Variants in RUNX2 observed in about 807,000 individuals in gnomAD.
The protein encoded by RUNX2 is RUNX family transcription factor 2.
In RUNX2, 10 loss-of-function variants were observed where a neutral mutation model predicts 51.7. The ratio of observed to expected loss-of-function variants is 0.19; its 90% CI spans 0.12 to 0.33. RUNX2 has a LOEUF of 0.33. Among genes scored for constraint, RUNX2 ranks in the 10% least tolerant of loss-of-function variants. The pLI, the probability that RUNX2 is intolerant of heterozygous loss-of-function variation, is 1.00. For missense variants in RUNX2, 562 were observed against 691.3 expected (o/e 0.81, Z 2.10); for synonymous variants, 276 against 273.6 (o/e 1.01, Z -0.09).
intron 3 of RUNX2, among the ~76,000 whole-genome samples, chr6:45,423,242 C>T (rs1798277662): frequency 6.6e-6 from 1 of 152,132 alleles, no homozygotes; most frequent in Admixed American, 6.5e-5. Flanking sequence ...CCTGCCTGGC[C>T]TTGATTCTCA....
intron 2 of RUNX2, 198 bp from the exon 3 acceptor site, chr6:45,422,395 G>C (rs958738056): frequency 3.3e-6 from 2 of 602,294 alleles, no homozygotes; most frequent in African/African-American, 1.9e-5. Flanking sequence ...GCCAGACTCT[G>C]TTGGCCCATC....
chr6:45,413,900 A>T (rs1037377117), intron 2 of RUNX2, among the ~76,000 whole-genome samples: 4 of 152,214 alleles, frequency 2.6e-5, no homozygotes, highest in African/African-American at 7.2e-5. Flanking sequence ...AGATGAAATG[A>T]TGGAGGCCCT....
In RUNX2 at chr6:45,328,364, C is replaced by G. The variant is rs535268603; in HGVS notation, c.-163C>G. 2 of 1,383,760 alleles carry G rather than the reference C, an allele frequency of 1.4e-6. No homozygotes were observed. Among genetic ancestry groups the G allele is most frequent in the East Asian group, 8.7e-5 (2 of 23,084 alleles). 85.7% of individuals were successfully genotyped at this position (1,383,760 alleles called of 1,614,324 possible). A position where few individuals can be genotyped will look rare whatever the true frequency, so the allele number is the denominator to read the frequency against. ...ACAAACAACCACAGAACCACAAGTGCGGTGCAAACTTTCTCCAGGAGGACA... is the reference window on the plus strand; with the variant it reads ...ACAAACAACCACAGAACCACAAGTGGGGTGCAAACTTTCTCCAGGAGGACA... On this transcript the variant is annotated 5_prime_UTR_variant, in exon 1 of 9. Coordinates refer to ENST00000647337, the MANE Select transcript of RUNX2 (RefSeq NM_001024630.4).
At chr6:45,426,240 C>T (rs558755259) in intron 3 of RUNX2, among the ~76,000 whole-genome samples, 4 of 152,230 alleles carry the variant, frequency 2.6e-5, no homozygotes, top group Non-Finnish European at 5.9e-5. Flanking sequence ...TTGAAATGTT[C>T]GGTCCCCCCA....
chr6:45,460,771 T>TA (rs35405209), intron 5 of RUNX2, among the ~76,000 whole-genome samples: 56,174 of 149,426 alleles, frequency 0.38, 10,649 homozygotes, highest in African/African-American at 0.45. Context: ...CCCCAACTCT[T>TA]AAAAAAAAAA....
chr6:45,366,564 T>A (rs1795169009), intron 2 of RUNX2, among the ~76,000 whole-genome samples: 1 of 152,208 alleles, frequency 6.6e-6, no homozygotes, highest in African/African-American at 2.4e-5. Flanking sequence ...CCCTCCTTTA[T>A]CTGCTAAAAA....
chr6:45,407,340 C>T (rs1304158138), intron 2 of RUNX2, among the ~76,000 whole-genome samples: 1 of 152,112 alleles, frequency 6.6e-6, no homozygotes, highest in Non-Finnish European at 1.5e-5. Flanking sequence ...TGAGCCACTA[C>T]TAGCAGCCTC....
chr6:45,334,539 C>G (rs535711334), intron 2 of RUNX2, among the ~76,000 whole-genome samples: 2 of 149,870 alleles, frequency 1.3e-5, no homozygotes, highest in East Asian at 3.9e-4. Flanking sequence ...TATATGCAGT[C>G]TTTCTTTAGA....
chr6:45,505,918 C>T (rs1031253830), intron 6 of RUNX2, among the ~76,000 whole-genome samples: 9 of 152,166 alleles, frequency 5.9e-5, no homozygotes, highest in African/African-American at 9.7e-5. Flanking sequence ...GACTTTGCCT[C>T]GGTTGAAACA....
At chr6:45,385,940 T>G (rs1797337765) in intron 2 of RUNX2, among the ~76,000 whole-genome samples, 1 of 152,122 alleles carries the variant, frequency 6.6e-6, no homozygotes, top group Non-Finnish European at 1.5e-5. Context: ...TTCTTTCTAC[T>G]CAGTCCTCTG....
intron 7 of RUNX2, 76 bp downstream of exon 7, chr6:45,512,483 A>G: frequency 6.7e-7 from 1 of 1,502,776 alleles, no homozygotes; most frequent in Admixed American, 1.7e-5. Flanking sequence ...AGCCTGTCTC[A>G]TCCATGCTCA....
chr6:45,423,175 G>A (rs1798274196), intron 3 of RUNX2, among the ~76,000 whole-genome samples: 1 of 151,964 alleles, frequency 6.6e-6, no homozygotes, highest in Non-Finnish European at 1.5e-5. Flanking sequence ...ACCTGTGCCC[G>A]CTGCCACCCC....
At chr6:45,470,280 G>T (rs1799759592) in intron 5 of RUNX2, among the ~76,000 whole-genome samples, 1 of 152,164 alleles carries the variant, frequency 6.6e-6, no homozygotes, top group African/African-American at 2.4e-5. Flanking sequence ...ATGGCCAAAT[G>T]ACATGATTAA....
At chr6:45,545,514 G>T (rs986436060) in intron 8 of RUNX2, among the ~76,000 whole-genome samples, 3 of 152,070 alleles carry the variant, frequency 2.0e-5, no homozygotes, top group Non-Finnish European at 2.9e-5. Flanking sequence ...AAAAGTGTTC[G>T]GATTATTCCC....
At chr6:45,443,036 CTTTTTTTTTTTTTTTTT>C (rs10564853) in intron 5 of RUNX2, among the ~76,000 whole-genome samples, 1 of 52,170 alleles carries the variant, frequency 1.9e-5, no homozygotes, top group African/African-American at 9.5e-5. Flanking sequence ...TCAGGCCTTG[CTTTTTTTTTTTTTTTTT>C]TTTTTTTTTT....
chr6:45,535,422 G>T (rs1174048502), intron 7 of RUNX2, among the ~76,000 whole-genome samples: 1 of 152,020 alleles, frequency 6.6e-6, no homozygotes, highest in Non-Finnish European at 1.5e-5. Flanking sequence ...GGCTAACACG[G>T]TGAAACCCCA....
At chr6:45,504,124 T>G (rs1800882967) in intron 6 of RUNX2, among the ~76,000 whole-genome samples, 1 of 152,154 alleles carries the variant, frequency 6.6e-6, no homozygotes, top group Non-Finnish European at 1.5e-5. Context: ...GAGAAGGCCC[T>G]TGGTGGGGAC....
intron 2 of RUNX2, among the ~76,000 whole-genome samples, chr6:45,411,425 T>C (rs1797948641): frequency 3.9e-5 from 6 of 152,172 alleles, no homozygotes. Flanking sequence ...AAAGTTTGAC[T>C]TTGAACTGGA....
At chr6:45,362,877 A>C (rs1487974150) in intron 2 of RUNX2, among the ~76,000 whole-genome samples, 2 of 152,160 alleles carry the variant, frequency 1.3e-5, no homozygotes, top group Non-Finnish European at 2.9e-5. Context: ...CATCAAATGC[A>C]CTAAATAGAA....
Sources: gnomAD v4.1 joint callset for allele counts (sites outside exome capture counted in the v4.1 genomes callset) on GRCh38, gnomAD v4.1.1 for gene constraint, MANE v1.5 for transcripts, NCBI Gene and HGNC (gene_info 2026-07-23, HGNC 2026-07-21) for gene names.